Variants in KIFC2 observed in about 807,000 individuals in gnomAD.
The protein encoded by KIFC2 is kinesin-like protein KIFC2.
A neutral mutation model predicts 91.5 loss-of-function variants in KIFC2; 94 were observed. The ratio of observed to expected loss-of-function variants is 1.03; its 90% CI spans 0.87 to 1.22. The LOEUF is 1.22. Among genes scored for constraint, KIFC2 ranks in the 50% most tolerant of loss-of-function variants. KIFC2 has a pLI of 0.00. For missense variants in KIFC2, 1,357 were observed against 1,103.3 expected (o/e 1.23, Z -3.26); for synonymous variants, 729 against 503.9 (o/e 1.45, Z -5.98).
Position 144,466,820 on chromosome 8 carries a change from G to A in KIFC2, c.160G>A (p.Glu54Lys). The A allele has an allele frequency of 7.2e-6, 11 of 1,537,378 alleles. No individual in the cohort carries two copies. The South Asian group carries it at 1.3e-4, about 18-fold the overall frequency. Reference sequence around the variant, plus strand: ...CCTGCCCGCGCCAGAGCTGTGGACCGAGCTGACCGGCCTGGCCGGTAGGTG... The same window carrying A: ...CCTGCCCGCGCCAGAGCTGTGGACCAAGCTGACCGGCCTGGCCGGTAGGTG... Reference protein sequence around the residue: ...PDLPAPELWTELTGLAASSEP... With the variant: ...PDLPAPELWTKLTGLAASSEP... Residue 54 changes from glutamate to lysine, a missense_variant, in exon 2 of 18, where the codon GAG becomes AAG. Physicochemically the swap from Glu to Lys is moderately conservative, Grantham distance 56 (BLOSUM62 1). Coordinates refer to ENST00000645548, the MANE Select transcript of KIFC2 (RefSeq NM_001369769.2).
Position 144,473,152 on chromosome 8 carries a change from T to C in KIFC2, c.2139T>C (p.Asp713=). Residue 713 remains aspartate (D), a synonymous_variant, in exon 18 of 18, where the codon GAT becomes GAC. Transcript: ENST00000645548. ...CGCAGATCTCCACGCGGCCGGAGGA[T>C]CTCGGGGAGACAGTCTGCTCCCTCA... is the stretch of plus-strand genomic sequence containing the variant. The part of the protein sequence containing the change: ...LLLQISTRPE[D]LGETVCSLKF... The C allele has an allele frequency of 6.4e-7, 1 of 1,568,220 alleles. No individual in the cohort carries two copies. Among genetic ancestry groups the C allele is most frequent in the South Asian group, 1.2e-5 (1 of 85,386 alleles).
Position 144,473,627 on chromosome 8 carries a change from C to T in KIFC2, c.*238C>T, listed in dbSNP as rs1564751083. ...TCAGGCCACAGGTCTTGGCTTTCTC[C>T]TTATCACCATTTGCTGTTATCACGG... On this transcript the variant is annotated 3_prime_UTR_variant, in exon 18 of 18. Coordinates refer to ENST00000645548, the MANE Select transcript of KIFC2 (RefSeq NM_001369769.2). 1.8e-6 allele frequency: 1 copy of T among 555,802 alleles called. No homozygotes were observed. Among genetic ancestry groups the T allele is most frequent in the Non-Finnish European group, 3.0e-6 (1 of 336,290 alleles). 34.4% of individuals were successfully genotyped at this position (555,802 alleles called of 1,614,324 possible).
upstream of KIFC2, chr8:144,466,258 T>G: frequency 5.0e-6 from 1 of 199,462 alleles, no homozygotes. Flanking sequence ...GGCACCTGTT[T>G]CTAGTACCCC....
In KIFC2 at chr8:144,472,434, G is replaced by A. The variant is rs753938028; in HGVS notation, c.1681G>A (p.Val561Met). Reference protein sequence around the residue: ...QGPEGQGGIQVAGLTHWDVPN... With the variant: ...QGPEGQGGIQMAGLTHWDVPN... ...CCCAGAAGGCCAGGGCGGGATCCAG[G>A]TGGCTGGCCTCACCCACTGGGACGT... The change falls in exon 15 of 18, where the codon GTG (valine) becomes ATG (methionine). Residue 561 changes from valine (V) to methionine (M), a missense_variant. Coordinates refer to ENST00000645548, the MANE Select transcript of KIFC2 (RefSeq NM_001369769.2). 1.2e-5 allele frequency: 20 copies of A among 1,612,750 alleles called. No individual in the cohort carries two copies. Among genetic ancestry groups the A allele is most frequent in the Non-Finnish European group, 1.7e-5 (20 of 1,179,796 alleles).
Position 144,466,434 on chromosome 8 carries a change from C to G in KIFC2, c.15C>G (p.Tyr5Ter). 1 of 1,354,222 alleles carries G rather than the reference C, an allele frequency of 7.4e-7. No individual in the cohort carries two copies. Among genetic ancestry groups the G allele is most frequent in the South Asian group, 1.6e-5 (1 of 61,104 alleles). The allele number at this position is 1,354,222 out of a possible 1,614,324, so 83.9% of individuals were successfully genotyped here. Residue 5 changes from tyrosine to a stop codon, truncating the protein, a stop_gained, in exon 1 of 18, where the codon TAC becomes TAG. Coordinates refer to ENST00000645548, the MANE Select transcript of KIFC2 (RefSeq NM_001369769.2). LOFTEE classifies it high-confidence loss of function. ...CCCGCGCTCCCATGTACGCCTTTTA[C>G]TCGTTGCTCATCTACATCTTCTACA... The part of the protein sequence containing the change: MYAF[Y>*]SLLIYIFYSL...
In KIFC2 at chr8:144,467,049, A is replaced by C; in HGVS notation, c.269A>C (p.Glu90Ala). ...GAAGAGGCCCTACTGCGCCTCGCCG[A>C]GTTCCTCTCCGTCCAGCTGGGGGCG... ...SLEEALLRLAEFLSVQLGAEE... is the reference protein window; with the variant it reads ...SLEEALLRLAAFLSVQLGAEE... The change falls in exon 3 of 18, where the codon GAG (glutamate) becomes GCG (alanine). Residue 90 changes from glutamate (E) to alanine (A), a missense_variant. Transcript: ENST00000645548. 1 of 1,594,646 alleles carries C rather than the reference A, an allele frequency of 6.3e-7. No homozygotes were observed. Among genetic ancestry groups the C allele is most frequent in the Non-Finnish European group, 8.5e-7 (1 of 1,171,446 alleles).
upstream of KIFC2, chr8:144,466,228 G>A: frequency 5.3e-6 from 1 of 188,992 alleles, no homozygotes. Flanking sequence ...AGAAACGGCG[G>A]GTCTCCAGGT....
chr8:144,472,172 C>T lies in KIFC2; in HGVS notation c.1520C>T (p.Ala507Val), dbSNP rs762342628. The change falls in exon 14 of 18, where the codon GCG becomes GTG. Residue 507 changes from alanine (A) to valine (V), a missense_variant. Transcript: ENST00000645548. ...GAGGACCCCGGCATAGTTCCTAGGG[C>T]GCTGCAGTCGCTGTTCCGGGAGATG... is the stretch of plus-strand genomic sequence containing the variant. ...PPEDPGIVPR[A>V]LQSLFREMGA... The T allele has an allele frequency of 2.0e-5, 32 of 1,613,176 alleles. No homozygotes were observed. In the East Asian group the frequency reaches 2.2e-4, roughly 11 times the overall value.
chr8:144,472,113 G>A (rs778966214), intron 13 of KIFC2, 25 bp from the exon 14 acceptor site: 23 of 1,612,788 alleles, frequency 1.4e-5, no homozygotes, highest in South Asian at 1.1e-4. Flanking sequence ...ATGTGAGCCC[G>A]GTGTGCACCC....
In KIFC2 at chr8:144,468,834, G is replaced by A. The variant is rs778213827; in HGVS notation, c.1113G>A (p.Gln371=). 3 of 1,612,190 alleles carry A rather than the reference G, an allele frequency of 1.9e-6. No homozygotes were observed. Among genetic ancestry groups the A allele is most frequent in the South Asian group, 1.1e-5 (1 of 91,036 alleles). The change falls in exon 10 of 18, where the codon CAG becomes CAA. Residue 371 remains glutamine, a splice_region_variant and synonymous_variant. Coordinates refer to ENST00000645548, the MANE Select transcript of KIFC2 (RefSeq NM_001369769.2). ...GTTCGCTGAGTGAGGCCCGGGGCCAGGTCAGGACCCCTCCCCGCCTAGCCC... is the reference window on the plus strand; with the variant it reads ...GTTCGCTGAGTGAGGCCCGGGGCCAAGTCAGGACCCCTCCCCGCCTAGCCC... ...CQGSLSEARG[Q]VSWALGALSS...
In KIFC2 at chr8:144,473,680, C is replaced by T. The variant is rs1564751120; in HGVS notation, c.*291C>T. ...CACAGCAGGGAATCCCAGGCCCCCC[C>T]GCCAAGTGGTTACCCAAGTCACCAC... On this transcript the variant is annotated 3_prime_UTR_variant, in exon 18 of 18. Transcript: ENST00000645548. The T allele has an allele frequency of 8.2e-6, 4 of 488,566 alleles. No homozygotes were observed. The highest frequency in any genetic ancestry group is 8.1e-5 in the South Asian group (2 of 24,704). 30.3% of individuals were successfully genotyped at this position (488,566 alleles called of 1,614,324 possible).
In KIFC2 at chr8:144,472,208, G is replaced by C. The variant is rs375399188; in HGVS notation, c.1556G>C (p.Arg519Pro). ...QSLFREMGAG[R>P]QHRVTLSMVE... is the part of the protein sequence containing the mutation. ...CTGTTCCGGGAGATGGGGGCCGGCCGGCAGCACCGGGTGACACTCAGCATG... is the reference window on the plus strand; with the variant it reads ...CTGTTCCGGGAGATGGGGGCCGGCCCGCAGCACCGGGTGACACTCAGCATG... The change falls in exon 14 of 18, where the codon CGG becomes CCG. Residue 519 changes from arginine (R) to proline (P), a missense_variant. Arg to Pro is a moderately radical substitution (Grantham distance 103, BLOSUM62 -2). Coordinates refer to ENST00000645548, the MANE Select transcript of KIFC2 (RefSeq NM_001369769.2). 6.2e-7 allele frequency: 1 copy of C among 1,613,206 alleles called. No individual in the cohort carries two copies. The highest frequency in any genetic ancestry group is 1.3e-5 in the African/African-American group (1 of 74,906).
chr8:144,467,925 C>G lies in KIFC2; in HGVS notation c.748C>G (p.Leu250Val). The change falls in exon 7 of 18, where the codon CTG becomes GTG. Residue 250 changes from leucine (L) to valine (V), a missense_variant. Coordinates refer to ENST00000645548, the MANE Select transcript of KIFC2 (RefSeq NM_001369769.2). ...TLENEALKQSLSLMRDLLLHW... is the reference protein window; with the variant it reads ...TLENEALKQSVSLMRDLLLHW... ...GGAGAACGAGGCCCTGAAGCAGAGCCTGAGTCTCATGCGGGACCTCCTGCT... is the reference window on the plus strand; with the variant it reads ...GGAGAACGAGGCCCTGAAGCAGAGCGTGAGTCTCATGCGGGACCTCCTGCT... The G allele has an allele frequency of 6.2e-7, 1 of 1,610,878 alleles. No individual in the cohort carries two copies. The highest frequency in any genetic ancestry group is 8.5e-7 in the Non-Finnish European group (1 of 1,178,980).
intron 2 of KIFC2, 23 bp from the exon 3 acceptor site, chr8:144,466,936 C>T (rs761534473): frequency 6.3e-6 from 10 of 1,582,788 alleles, no homozygotes; most frequent in Middle Eastern, 1.7e-4. Flanking sequence ...GAAATGTCTC[C>T]CGCCCTCCTC....
chr8:144,469,689 GT>G, intron 12 of KIFC2, 42 bp downstream of exon 12: 1 of 1,536,844 alleles, frequency 6.5e-7, no homozygotes, highest in Non-Finnish European at 8.7e-7. Flanking sequence ...CTTTTTCAGA[GT>G]TCCCTGAAGA....
rs1166329868 is a variant in KIFC2 at position 144,473,367 on chromosome 8, C to T, written c.2354C>T (p.Pro785Leu). The T allele has an allele frequency of 1.3e-6, 2 of 1,578,422 alleles. No homozygotes were observed. Among genetic ancestry groups the T allele is most frequent in the Non-Finnish European group, 1.7e-6 (2 of 1,166,336 alleles). ...AACGGCTCGGGCTCGGCTCTCGCGC[C>T]CGCAGAGGGCCTGCCCCTCTAGTCC... ...PDNGSGSALA[P>L]AEGLPL Residue 785 changes from proline (P) to leucine (L), a missense_variant, in exon 18 of 18, where the codon CCC (proline) becomes CTC (leucine). Coordinates refer to ENST00000645548, the MANE Select transcript of KIFC2 (RefSeq NM_001369769.2).
intron 12 of KIFC2, chr8:144,470,543 C>T (rs1423556905): frequency 6.6e-6 from 1 of 152,302 alleles, no homozygotes; most frequent in Non-Finnish European, 1.5e-5. Context: ...CCACACAGAA[C>T]ACAGAATTCT....
In KIFC2 at chr8:144,472,672, C is replaced by T. The variant is rs2130020795; in HGVS notation, c.1827C>T (p.Arg609=). The T allele has an allele frequency of 6.3e-7, 1 of 1,596,602 alleles. No homozygotes were observed. The highest frequency in any genetic ancestry group is 8.5e-7 in the Non-Finnish European group (1 of 1,178,396). ...RSHALVTLTL[R]AASPPRAPGT... ...ATGCCCTGGTCACGCTGACGCTGCG[C>T]GCGGCGTCTCCACCGCGCGCTCCAG... The change falls in exon 16 of 18, where the codon CGC becomes CGT. Residue 609 remains arginine, a synonymous_variant. Coordinates refer to ENST00000645548, the MANE Select transcript of KIFC2 (RefSeq NM_001369769.2).
At chr8:144,466,292 C>T (rs1406865766), upstream of KIFC2, 4 of 232,978 alleles carry the variant, frequency 1.7e-5, no homozygotes, top group Admixed American at 5.8e-5. Flanking sequence ...GCCTTCCAGC[C>T]GTGGGAGCCG....
Sources: allele counts gnomAD v4.1 joint callset, GRCh38; gene constraint gnomAD v4.1.1; transcripts MANE v1.5; gene names NCBI Gene and HGNC (gene_info 2026-07-23, HGNC 2026-07-21).